Variants in GRIP1 observed in about 807,000 individuals in gnomAD.
GRIP1 encodes glutamate receptor-interacting protein 1.
In GRIP1, 45 loss-of-function variants were observed where a neutral mutation model predicts 129.9. That is an observed-to-expected ratio of 0.35 (90% CI 0.27 to 0.44). The LOEUF (loss-of-function observed/expected upper bound fraction) is 0.44. Among genes scored for constraint, GRIP1 ranks in the 20% least tolerant of loss-of-function variants. The pLI, the probability that GRIP1 is intolerant of heterozygous loss-of-function variation, is 1.00. For missense variants in GRIP1, 1,196 were observed against 1,396.8 expected (o/e 0.86, Z 2.29); for synonymous variants, 530 against 520.8 (o/e 1.02, Z -0.24).
intron 1 of GRIP1, among the ~76,000 whole-genome samples, chr12:66,874,260 G>A (rs578030387): frequency 5.9e-5 from 9 of 152,166 alleles, no homozygotes; most frequent in African/African-American, 1.9e-4. Context: ...CTTATCCATC[G>A]ATTCTGCCCC....
intron 1 of GRIP1, among the ~76,000 whole-genome samples, chr12:66,795,781 T>A (rs1255651462): frequency 1.3e-5 from 2 of 152,158 alleles, no homozygotes; most frequent in African/African-American, 4.8e-5. Context: ...GTGCACTTTC[T>A]GGAAATAATT....
chr12:66,959,538 T>G (rs1379075148), intron 1 of GRIP1, among the ~76,000 whole-genome samples: 1 of 152,186 alleles, frequency 6.6e-6, no homozygotes. Context: ...ACAAATTATC[T>G]CCATTTGAAT....
At chr12:66,812,402 TG>T (rs1665054763) in intron 1 of GRIP1, among the ~76,000 whole-genome samples, 4 of 152,384 alleles carry the variant, frequency 2.6e-5, no homozygotes, top group Admixed American at 2.6e-4. Context: ...CCCGAAGTGC[TG>T]GGATTATAGG....
In GRIP1 at chr12:66,547,115, ATT is replaced by A. The variant is rs375393079; in HGVS notation, c.137-5167_137-5166del. Among the ~76,000 whole-genome samples, 546 of 152,326 alleles carry A rather than the reference ATT, an allele frequency of 3.6e-3. 1 individual carries two copies. The highest frequency in any genetic ancestry group is 0.012 in the African/African-American group (483 of 41,576). ...AGAAAATGGGAAAAAGACATGAAAT[ATT>A]TTATTAAAGAGGATATACAGATGGC... On this transcript the variant is annotated intron_variant, in intron 2 of 24. Coordinates refer to ENST00000359742, the MANE Select transcript of GRIP1 (RefSeq NM_001366722.1).
intron 1 of GRIP1, among the ~76,000 whole-genome samples, chr12:66,791,206 A>G (rs2038522780): frequency 6.6e-6 from 1 of 152,162 alleles, no homozygotes; most frequent in Admixed American, 6.6e-5. Flanking sequence ...TACGTGCTGC[A>G]TAGTGGAAGT....
intron 1 of GRIP1, among the ~76,000 whole-genome samples, chr12:66,743,599 T>TC (rs1201223019): frequency 7.0e-6 from 1 of 142,946 alleles, no homozygotes; most frequent in Non-Finnish European, 1.6e-5. Flanking sequence ...TTTTTTTTTG[T>TC]GTGTGTGTGT....
intron 1 of GRIP1, among the ~76,000 whole-genome samples, chr12:67,054,529 C>T (rs539569859): frequency 6.6e-6 from 1 of 151,978 alleles, no homozygotes; most frequent in Non-Finnish European, 1.5e-5. Flanking sequence ...TTTGGGAGGC[C>T]GAAGTGGGCA....
At chr12:66,785,244 A>T (rs2136813021) in intron 1 of GRIP1, among the ~76,000 whole-genome samples, 1 of 150,562 alleles carries the variant, frequency 6.6e-6, no homozygotes, top group African/African-American at 2.4e-5. Context: ...AGATCGCTTG[A>T]GCTCAGGAGT....
chr12:66,813,504 G>C (rs1038932443), intron 1 of GRIP1, among the ~76,000 whole-genome samples: 1 of 152,184 alleles, frequency 6.6e-6, no homozygotes, highest in African/African-American at 2.4e-5. Flanking sequence ...CCAATGGTGA[G>C]AAGTGACAAG....
intron 1 of GRIP1, among the ~76,000 whole-genome samples, chr12:66,981,608 G>A (rs2042243464): frequency 6.6e-6 from 1 of 152,132 alleles, no homozygotes; most frequent in Admixed American, 6.5e-5. Flanking sequence ...AGGTTGAAAA[G>A]CAGAAAAGAA....
chr12:66,479,065 G>C (rs1024529039), intron 7 of GRIP1, among the ~76,000 whole-genome samples: 2 of 148,120 alleles, frequency 1.4e-5, no homozygotes, highest in African/African-American at 5.0e-5. Context: ...AGAAAAAAAA[G>C]AGAAAGAAAC....
chr12:67,054,720 C>T (rs2043405341), intron 1 of GRIP1, among the ~76,000 whole-genome samples: 1 of 150,286 alleles, frequency 6.7e-6, no homozygotes, highest in South Asian at 2.1e-4. Context: ...GCCAAGATTG[C>T]ACCACTGCAC....
At chr12:66,405,992 C>T (rs911685798) in intron 16 of GRIP1, among the ~76,000 whole-genome samples, 6 of 152,162 alleles carry the variant, frequency 3.9e-5, no homozygotes, top group African/African-American at 1.4e-4. Context: ...AACTAGAAAA[C>T]TACCAGTTTC....
At chr12:66,873,448 A>C (rs1222481149) in intron 1 of GRIP1, among the ~76,000 whole-genome samples, 14 of 152,108 alleles carry the variant, frequency 9.2e-5, no homozygotes, top group Admixed American at 9.2e-4. Flanking sequence ...GGAGTTGCAG[A>C]AGTTCAGACA....
chr12:66,937,141 T>A (rs775707695), intron 1 of GRIP1, among the ~76,000 whole-genome samples: 1 of 152,068 alleles, frequency 6.6e-6, no homozygotes, highest in Non-Finnish European at 1.5e-5. Flanking sequence ...CCTGAAACAT[T>A]CCTCCCCGAG....
At chr12:66,815,840 C>CTT (rs200087426) in intron 1 of GRIP1, among the ~76,000 whole-genome samples, 36 of 41,744 alleles carry the variant, frequency 8.6e-4, no homozygotes, top group Middle Eastern at 0.012. Flanking sequence ...TTCTTTCTTT[C>CTT]TTTCTTTCTT....
chr12:66,583,671 T>C lies in GRIP1; in HGVS notation c.136+13176A>G, dbSNP rs2063496931. ...CACATGAAAAAATGCTCATCATCAC[T>C]GGCCATCAGAGAAATGCAAATCAAA... On this transcript the variant is annotated intron_variant, in intron 2 of 24. Transcript: ENST00000359742. Among the ~76,000 whole-genome samples the C allele has an allele frequency of 3.6e-5, 5 of 139,968 alleles. 2 individuals carry two copies. In the Admixed American group the frequency reaches 3.7e-4, roughly 10 times the overall value. 91.8% of individuals were successfully genotyped at this position (139,968 alleles called of 152,430 possible).
intron 1 of GRIP1, among the ~76,000 whole-genome samples, chr12:66,766,144 C>G (rs189380316): frequency 3.5e-4 from 54 of 152,268 alleles, no homozygotes; most frequent in African/African-American, 1.3e-3. Context: ...GCTGACAACT[C>G]GAAACACTAG....
At chr12:66,703,182 G>A (rs1471746304) in intron 1 of GRIP1, among the ~76,000 whole-genome samples, 1 of 152,120 alleles carries the variant, frequency 6.6e-6, no homozygotes, top group African/African-American at 2.4e-5. Flanking sequence ...CACCTGGAGT[G>A]TGAATGTGAT....
Sources: allele counts gnomAD v4.1 joint callset (sites outside exome capture counted in the v4.1 genomes callset), GRCh38; gene constraint gnomAD v4.1.1; transcripts MANE v1.5; gene names NCBI Gene and HGNC (gene_info 2026-07-23, HGNC 2026-07-21).